Variants in XKR6 observed in about 807,000 individuals in gnomAD.
XKR6 encodes the protein XK related 6.
In XKR6, 22 loss-of-function variants were observed where a neutral mutation model predicts 56.7. The ratio of observed to expected loss-of-function variants is 0.39; its 90% CI spans 0.28 to 0.55. The LOEUF is 0.55. Among genes scored for constraint, XKR6 ranks in the 20% least tolerant of loss-of-function variants. The pLI, the probability that XKR6 is intolerant of heterozygous loss-of-function variation, is 0.66. For missense variants in XKR6, 852 were observed against 889.0 expected, an observed-to-expected ratio of 0.96 and a Z score of 0.53; for synonymous variants, 524 against 387.8, an observed-to-expected ratio of 1.35 and a Z score of -4.13.
At chr8:10,928,422 T>G (rs1203414823) in intron 1 of XKR6, among the ~76,000 whole-genome samples, 1 of 152,210 alleles carries the variant, frequency 6.6e-6, no homozygotes, top group Non-Finnish European at 1.5e-5. Context: ...GGCAGATGGG[T>G]GGGGTGGGAG....
chr8:11,193,936 A>G (rs1234222442), intron 1 of XKR6, among the ~76,000 whole-genome samples: 2 of 152,214 alleles, frequency 1.3e-5, no homozygotes, highest in Non-Finnish European at 2.9e-5. Flanking sequence ...ATTAGCTGAT[A>G]AAGTCAGCAC....
chr8:11,122,279 C>T (rs1029633733), intron 1 of XKR6, among the ~76,000 whole-genome samples: 8 of 152,228 alleles, frequency 5.3e-5, no homozygotes. Flanking sequence ...GAAGATCAGT[C>T]TCTAGGAAGG....
At chr8:11,007,918 G>A (rs1000596781) in intron 1 of XKR6, among the ~76,000 whole-genome samples, 4 of 151,672 alleles carry the variant, frequency 2.6e-5, no homozygotes, top group African/African-American at 7.3e-5. Flanking sequence ...CAGATGGCAG[G>A]GGCAGAGTGG....
intron 1 of XKR6, among the ~76,000 whole-genome samples, chr8:11,156,471 A>T (rs1368779768): frequency 6.6e-6 from 1 of 152,214 alleles, no homozygotes; most frequent in Non-Finnish European, 1.5e-5. Flanking sequence ...CTGAAATCAT[A>T]AGAGTTTCAA....
intron 1 of XKR6, among the ~76,000 whole-genome samples, chr8:11,168,206 G>C (rs927519436): frequency 3.3e-5 from 5 of 152,184 alleles, no homozygotes; most frequent in Admixed American, 2.6e-4. Context: ...TTAACTGACA[G>C]AACATGTCCC....
chr8:10,997,556 C>T (rs970805640), intron 1 of XKR6, among the ~76,000 whole-genome samples: 60 of 152,204 alleles, frequency 3.9e-4, no homozygotes, highest in African/African-American at 1.4e-3. Context: ...TTTCTCCTTA[C>T]AAATGAGATG....
chr8:11,002,687 CA>C (rs1256946795), intron 1 of XKR6, among the ~76,000 whole-genome samples: 1 of 152,254 alleles, frequency 6.6e-6, no homozygotes, highest in Non-Finnish European at 1.5e-5. Context: ...GGCCCAGGCC[CA>C]GGGGGTGGTG....
chr8:11,182,638 G>A (rs191078612), intron 1 of XKR6, among the ~76,000 whole-genome samples: 152 of 152,242 alleles, frequency 1.0e-3, no homozygotes, highest in Non-Finnish European at 1.3e-3. Context: ...TTGTTTGTTC[G>A]TTCATTTGTG....
At chr8:11,022,643 C>T (rs1212779947) in intron 1 of XKR6, among the ~76,000 whole-genome samples, 1 of 152,134 alleles carries the variant, frequency 6.6e-6, no homozygotes, top group African/African-American at 2.4e-5. Flanking sequence ...CCCTACGACC[C>T]ACAGAAGGGT....
At chr8:10,985,869 G>T (rs1486891399) in intron 1 of XKR6, among the ~76,000 whole-genome samples, 1 of 152,184 alleles carries the variant, frequency 6.6e-6, no homozygotes, top group African/African-American at 2.4e-5. Context: ...GACTCCCAGA[G>T]CGCTGGGATT....
At chr8:11,012,486 C>T (rs182642555) in intron 1 of XKR6, among the ~76,000 whole-genome samples, 103 of 152,292 alleles carry the variant, frequency 6.8e-4, no homozygotes, top group African/African-American at 2.1e-3. Flanking sequence ...GTAGTTGTTA[C>T]GGCTGCTATT....
At chr8:11,194,730 T>A (rs2117145398) in intron 1 of XKR6, 1 of 175,246 alleles carries the variant, frequency 5.7e-6, no homozygotes, top group Admixed American at 5.9e-5. Context: ...TGCATAAGCC[T>A]GACTAGGCAA....
intron 1 of XKR6, chr8:11,062,701 C>T (rs1260720726): frequency 2.2e-6 from 1 of 454,630 alleles, no homozygotes; most frequent in Admixed American, 2.4e-5. Context: ...AGAGTTTCAT[C>T]TATTTTATGG....
chr8:11,039,996 C>T (rs1012824970), intron 1 of XKR6, among the ~76,000 whole-genome samples: 1 of 152,204 alleles, frequency 6.6e-6, no homozygotes, highest in Non-Finnish European at 1.5e-5. Context: ...TCCCACCTTC[C>T]AGCAATTGCT....
chr8:11,016,252 G>A (rs1213091587), intron 1 of XKR6, among the ~76,000 whole-genome samples: 1 of 152,190 alleles, frequency 6.6e-6, no homozygotes, highest in Non-Finnish European at 1.5e-5. Context: ...AGGTTGGCCG[G>A]GGGCCTCTGC....
intron 1 of XKR6, among the ~76,000 whole-genome samples, chr8:11,133,291 A>T (rs1051789370): frequency 6.6e-6 from 1 of 152,124 alleles, no homozygotes; most frequent in African/African-American, 2.4e-5. Context: ...TCAGCTTCAC[A>T]TCAGGCCCTC....
intron 1 of XKR6, among the ~76,000 whole-genome samples, chr8:10,996,257 T>A (rs1798110580): frequency 6.6e-6 from 1 of 152,214 alleles, no homozygotes; most frequent in South Asian, 2.1e-4. Flanking sequence ...CCTGGGGGTG[T>A]GTGGAACAGT....
In XKR6 at chr8:11,026,597, C is replaced by T. The variant is rs541095755; in HGVS notation, c.765-101767G>A. Among the ~76,000 whole-genome samples the T allele has an allele frequency of 2.0e-5, 3 of 151,112 alleles. No homozygotes were observed. The South Asian group carries it at 6.4e-4, about 32-fold the overall frequency. ...GTTGCCTACTACACACCTAGATGGT[C>T]TAGCCTACTACACACTTAGATGGTC... On this transcript the variant is annotated intron_variant, in intron 1 of 2. Coordinates refer to ENST00000416569, the MANE Select transcript of XKR6 (RefSeq NM_173683.4).
chr8:10,902,433 G>A (rs1195364891), intron 2 of XKR6, among the ~76,000 whole-genome samples: 2 of 152,138 alleles, frequency 1.3e-5, no homozygotes, highest in East Asian at 3.9e-4. Context: ...ACTGTCCTGA[G>A]AACCACCGGC....
Sources: gnomAD v4.1 joint callset for allele counts (sites outside exome capture counted in the v4.1 genomes callset) on GRCh38, gnomAD v4.1.1 for gene constraint, MANE v1.5 for transcripts, NCBI Gene and HGNC (gene_info 2026-07-23, HGNC 2026-07-21) for gene names.